Variants in THEM4 observed in about 807,000 individuals in gnomAD.
THEM4 encodes the protein acyl-coenzyme A thioesterase THEM4.
THEM4 carries 22 observed loss-of-function variants against 25.0 expected under a neutral mutation model. The ratio of observed to expected loss-of-function variants is 0.88; its 90% CI spans 0.63 to 1.26. THEM4 has a LOEUF of 1.26. THEM4 is among the 50% of genes most tolerant of loss of function. The pLI is 0.00. For missense variants in THEM4, 286 were observed against 300.3 expected, an observed-to-expected ratio of 0.95 and a Z score of 0.35; for synonymous variants, 113 against 105.6, an observed-to-expected ratio of 1.07 and a Z score of -0.43.
chr1:151,901,067 T>C (rs1296372583), intron 1 of THEM4, among the ~76,000 whole-genome samples: 1 of 152,266 alleles, frequency 6.6e-6, no homozygotes, highest in Non-Finnish European at 1.5e-5. Context: ...GGAATACTTT[T>C]AGTAAATCTA....
At chr1:151,878,866 G>C (rs1653744686) in intron 4 of THEM4, among the ~76,000 whole-genome samples, 1 of 91,662 alleles carries the variant, frequency 1.1e-5, no homozygotes. Flanking sequence ...AAAAAAATTT[G>C]TTTTATTATA....
chr1:151,905,710 T>C (rs1441203934), intron 1 of THEM4, among the ~76,000 whole-genome samples: 1 of 152,202 alleles, frequency 6.6e-6, no homozygotes, highest in Non-Finnish European at 1.5e-5. Flanking sequence ...TCCCATCCCC[T>C]TCCGTGTGAT....
chr1:151,900,853 C>T (rs1209017190), intron 1 of THEM4, among the ~76,000 whole-genome samples: 5 of 152,232 alleles, frequency 3.3e-5, no homozygotes, highest in African/African-American at 1.2e-4. Flanking sequence ...TTCGTGATGG[C>T]CATGATGCCC....
At chr1:151,876,883 C>G in intron 5 of THEM4, 118 bp downstream of exon 5, 1 of 1,306,840 alleles carries the variant, frequency 7.7e-7, no homozygotes, top group South Asian at 1.7e-5. Context: ...AAAAACCAAA[C>G]CAAACCAAAA....
At position 151,895,043 on chromosome 1, in the gene THEM4, G is replaced by A. The variant is rs1042963038; in HGVS notation, c.251C>T (p.Thr84Ile). The stretch of plus-strand genomic sequence containing the variant: ...GGTTTTGAAGTCTTGAATCCATTCA[G>A]TAGGTGTACGTTTATATGAAGGCAA... ...KRLPSYKRTP[T>I]EWIQDFKTHF... Residue 84 changes from threonine (T) to isoleucine (I), a missense_variant, in exon 2 of 6, where the codon ACT becomes ATT. Coordinates refer to ENST00000368814, the MANE Select transcript of THEM4 (RefSeq NM_053055.5). 1.9e-6 allele frequency: 3 copies of A among 1,614,004 alleles called. No individual in the cohort carries two copies. In the African/African-American group the frequency reaches 4.0e-5, roughly 22 times the overall value.
intron 4 of THEM4, among the ~76,000 whole-genome samples, chr1:151,883,288 CA>C (rs922855716): frequency 6.6e-5 from 10 of 151,176 alleles, no homozygotes; most frequent in Non-Finnish European, 1.0e-4. Context: ...TTTTTTTTTG[CA>C]TTTTCAGTAG....
intron 4 of THEM4, among the ~76,000 whole-genome samples, chr1:151,884,107 AAATAAAGGAAGG>A (rs1653907794): frequency 6.9e-6 from 1 of 145,476 alleles, no homozygotes; most frequent in Non-Finnish European, 1.5e-5. Flanking sequence ...ATAAATAAAT[AAATAAAGGAAGG>A]AAGGAAGAAG....
At chr1:151,908,550 T>C (rs1235246081) in intron 1 of THEM4, among the ~76,000 whole-genome samples, 1 of 152,222 alleles carries the variant, frequency 6.6e-6, no homozygotes, top group African/African-American at 2.4e-5. Flanking sequence ...GCCAGAAATA[T>C]TGGCCGCTTG....
At chr1:151,879,068 A>T (rs965743372) in intron 4 of THEM4, among the ~76,000 whole-genome samples, 2 of 152,184 alleles carry the variant, frequency 1.3e-5, no homozygotes, top group African/African-American at 2.4e-5. Flanking sequence ...GAAATTTTTT[A>T]AAAATTGAGA....
rs1324348446 is a variant in THEM4, at chr1:151,894,863, T to C, written c.286+145A>G. ...CTCCAATCTGCAAAATTTATTGTGA[T>C]TTCTGGTCTATAAAATTGGTGACTA... On this transcript the variant is annotated intron_variant, in intron 2 of 5. Transcript: ENST00000368814. 4 of 910,166 alleles carry C rather than the reference T, an allele frequency of 4.4e-6. No homozygotes were observed. In the African/African-American group the frequency reaches 5.1e-5, roughly 12 times the overall value. The allele number at this position is 910,166 out of a possible 1,614,324, so 56.4% of individuals were successfully genotyped here. A position where few individuals can be genotyped will look rare whatever the true frequency, so the allele number is the denominator to read the frequency against.
intron 4 of THEM4, among the ~76,000 whole-genome samples, chr1:151,884,830 A>T (rs1258434058): frequency 6.6e-6 from 1 of 151,764 alleles, no homozygotes. Flanking sequence ...CTGAGATTAC[A>T]GGTGCGCACC....
chr1:151,904,054 T>G (rs1423543363), intron 1 of THEM4, among the ~76,000 whole-genome samples: 1 of 152,184 alleles, frequency 6.6e-6, no homozygotes, highest in Non-Finnish European at 1.5e-5. Flanking sequence ...ACGGATGACT[T>G]TCAGGGAAAA....
chr1:151,892,729 A>G (rs1654121297), intron 2 of THEM4, among the ~76,000 whole-genome samples: 1 of 152,210 alleles, frequency 6.6e-6, no homozygotes, highest in East Asian at 1.9e-4. Context: ...AAATTGTGGA[A>G]CCAGAATTTG....
chr1:151,905,178 G>A (rs2101732649), intron 1 of THEM4, among the ~76,000 whole-genome samples: 1 of 152,334 alleles, frequency 6.6e-6, no homozygotes. Flanking sequence ...GCCTTTGACT[G>A]GGAGAACAGG....
At chr1:151,885,072 G>T (rs1653936185) in intron 4 of THEM4, among the ~76,000 whole-genome samples, 1 of 150,912 alleles carries the variant, frequency 6.6e-6, no homozygotes, top group Non-Finnish European at 1.5e-5. Context: ...TTCTCTTTTT[G>T]TGATTTCATC....
chr1:151,876,006 C>G (rs1443997740), intron 5 of THEM4, among the ~76,000 whole-genome samples: 1 of 152,144 alleles, frequency 6.6e-6, no homozygotes, highest in Non-Finnish European at 1.5e-5. Context: ...AGGCCTGTCA[C>G]TGGAAGAGAG....
At chr1:151,889,789 C>A in intron 2 of THEM4, 1 of 162,284 alleles carries the variant, frequency 6.2e-6, no homozygotes, top group Non-Finnish European at 1.4e-5. Context: ...GAGTCTGAAT[C>A]AGCAACAGGG....
chr1:151,909,127 C>T lies in THEM4; in HGVS notation c.99+233G>A, dbSNP rs572447239. 2.7e-3 allele frequency among the ~76,000 whole-genome samples: 414 copies of T among 152,260 alleles called. 2 individuals carry two copies. Among genetic ancestry groups the T allele is most frequent in the African/African-American group, 9.7e-3 (404 of 41,534 alleles). On this transcript the variant is annotated intron_variant, in intron 1 of 5. Transcript: ENST00000368814. Reference sequence around the variant, plus strand: ...GCAGTTCAGGTAGCGCCCTGCCGACCCTGTCTCTTAAAAAACAAAAAAACG... The same window carrying T: ...GCAGTTCAGGTAGCGCCCTGCCGACTCTGTCTCTTAAAAAACAAAAAAACG...
At chr1:151,899,587 A>G (rs1316366387) in intron 1 of THEM4, among the ~76,000 whole-genome samples, 1 of 152,198 alleles carries the variant, frequency 6.6e-6, no homozygotes, top group Non-Finnish European at 1.5e-5. Context: ...ATGCAAATTA[A>G]CCTAATCCAA....
Sources: gnomAD v4.1 joint callset for allele counts (sites outside exome capture counted in the v4.1 genomes callset) on GRCh38, gnomAD v4.1.1 for gene constraint, MANE v1.5 for transcripts, NCBI Gene and HGNC (gene_info 2026-07-23, HGNC 2026-07-21) for gene names.